The following EWSR1 variants were observed in gnomAD, a reference collection of about 807,000 sequenced individuals.
EWSR1 encodes the protein RNA-binding protein EWS.
Under a neutral mutation model 92.1 loss-of-function variants are expected in EWSR1, and 14 were observed. The observed-to-expected ratio is 0.15, with a 90% confidence interval of 0.10 to 0.24. The LOEUF is 0.24. EWSR1 is among the 10% of genes least tolerant of loss of function. The pLI is 1.00. For synonymous variants in EWSR1, 303 were observed against 292.9 expected (o/e 1.03, Z -0.35); for missense variants, 637 against 870.9 (o/e 0.73, Z 3.38).
At chr22:29,276,406 C>T (rs1008444215) in intron 4 of EWSR1, 17 of 222,492 alleles carry the variant, frequency 7.6e-5, no homozygotes, top group African/African-American at 3.6e-4. Flanking sequence ...AAGGACATTA[C>T]TATCTCTGTG....
At chr22:29,271,257 T>G (rs906212881) in intron 1 of EWSR1, among the ~76,000 whole-genome samples, 4 of 152,202 alleles carry the variant, frequency 2.6e-5, no homozygotes, top group South Asian at 2.1e-4. Context: ...TTTTCAAAAA[T>G]AATTACTTTA....
At chr22:29,282,640 C>A in intron 6 of EWSR1, 83 bp downstream of exon 6, 1 of 1,204,842 alleles carries the variant, frequency 8.3e-7, no homozygotes, top group East Asian at 2.7e-5. Flanking sequence ...TTGACTTCTT[C>A]AGCTAAGGTA....
chr22:29,283,332 A>G (rs1299288736), intron 6 of EWSR1, among the ~76,000 whole-genome samples: 1 of 152,098 alleles, frequency 6.6e-6, no homozygotes, highest in East Asian at 1.9e-4. Context: ...AACTCTTTTT[A>G]TTTTATTTTT....
intron 9 of EWSR1, 125 bp from the exon 10 acceptor site, chr22:29,292,012 G>C: frequency 1.2e-6 from 1 of 856,980 alleles, no homozygotes; most frequent in East Asian, 2.4e-5. Flanking sequence ...AGCAGTGCGG[G>C]TCATTTTGAG....
chr22:29,300,494 TA>T lies in EWSR1; in HGVS notation c.*336del. On this transcript the variant is annotated 3_prime_UTR_variant, in exon 17 of 17. Transcript: ENST00000397938. ...GGTTGTGATGTTTTTTTTTTTTTTT[TA>T]AATAAAATTCCAAATGTTTATAAAG... is the stretch of plus-strand genomic sequence containing the variant. 1.3e-5 allele frequency: 3 copies of T among 236,238 alleles called. No individual in the cohort carries two copies. The highest frequency in any genetic ancestry group is 1.4e-4 in the East Asian group (2 of 14,382). The allele number at this position is 236,238 out of a possible 1,614,324, so 14.6% of individuals were successfully genotyped here. A position where few individuals can be genotyped will look rare whatever the true frequency, so the allele number is the denominator to read the frequency against.
In EWSR1 at chr22:29,268,298, G is replaced by A. The variant is rs1378175335; in HGVS notation, c.-39G>A. 1.2e-6 allele frequency: 2 copies of A among 1,610,432 alleles called. No homozygotes were observed. The highest frequency in any genetic ancestry group is 1.7e-5 in the Admixed American group (1 of 60,030). On this transcript the variant is annotated 5_prime_UTR_variant, in exon 1 of 17. Transcript: ENST00000397938. The stretch of plus-strand genomic sequence containing the variant: ...GCGGCGCCTAGAGGGAAAGCGAGAG[G>A]GAGACGGACGTTGAGAGAACGAGGA...
At chr22:29,296,116 A>T (rs1478493374) in intron 11 of EWSR1, 123 bp from the exon 12 acceptor site, 1 of 956,562 alleles carries the variant, frequency 1.0e-6, no homozygotes, top group Non-Finnish European at 1.5e-6. Context: ...AAAGCGGAGA[A>T]ACGGTGACAT....
chr22:29,268,585 C>T (rs1000233730), intron 1 of EWSR1, among the ~76,000 whole-genome samples: 2 of 151,770 alleles, frequency 1.3e-5, no homozygotes, highest in East Asian at 3.9e-4. Context: ...GCGGCGGGGG[C>T]GCGCGGGGCC....
chr22:29,290,645 A>G, intron 8 of EWSR1: 1 of 1,418,018 alleles, frequency 7.1e-7, no homozygotes, highest in Non-Finnish European at 9.2e-7. Flanking sequence ...ATAATACTCT[A>G]GAATTGTGTA....
At chr22:29,284,075 C>T (rs1234333179) in intron 6 of EWSR1, among the ~76,000 whole-genome samples, 1 of 151,352 alleles carries the variant, frequency 6.6e-6, no homozygotes, top group African/African-American at 2.5e-5. Context: ...CTCAGGTGAT[C>T]CGCCTGCCTC....
At position 29,282,570 on chromosome 22, in the gene EWSR1, T is replaced by A; in HGVS notation, c.581+13T>A. 1 of 1,497,250 alleles carries A rather than the reference T, an allele frequency of 6.7e-7. No homozygotes were observed. The highest frequency in any genetic ancestry group is 8.9e-7 in the Non-Finnish European group (1 of 1,127,708). 92.7% of individuals were successfully genotyped at this position (1,497,250 alleles called of 1,614,324 possible). The stretch of plus-strand genomic sequence containing the variant: ...ACCCTCCTACCAGGTCAGTCTACTT[T>A]TTGTGGCAAAACAAAAACAGTGACA... On this transcript the variant is annotated intron_variant, in intron 6 of 16. Coordinates refer to ENST00000397938, the MANE Select transcript of EWSR1 (RefSeq NM_005243.4).
intron 11 of EWSR1, 45 bp downstream of exon 11, chr22:29,292,651 CAG>C (rs1338183560): frequency 7.7e-7 from 1 of 1,291,916 alleles, no homozygotes; most frequent in Admixed American, 1.7e-5. Flanking sequence ...CTTTAAACCA[CAG>C]AGCATTTTAA....
chr22:29,299,141 GAT>G (rs2061131755), intron 14 of EWSR1, 91 bp from the exon 15 acceptor site: 1 of 1,606,976 alleles, frequency 6.2e-7, no homozygotes, highest in Middle Eastern at 1.7e-4. Flanking sequence ...AGATCCTCTT[GAT>G]AGTGAGTGTG....
intron 6 of EWSR1, among the ~76,000 whole-genome samples, chr22:29,285,930 T>C (rs1259774494): frequency 1.3e-5 from 2 of 152,140 alleles, no homozygotes; most frequent in African/African-American, 2.4e-5. Flanking sequence ...CTCCGCCTCC[T>C]GGGTTCATGC....
chr22:29,292,094 A>G (rs751114768), intron 9 of EWSR1, 43 bp from the exon 10 acceptor site: 35 of 1,579,402 alleles, frequency 2.2e-5, no homozygotes, highest in Non-Finnish European at 2.7e-5. Context: ...AGCTTGCAAG[A>G]CGTGCACTAA....
intron 5 of EWSR1, 45 bp from the exon 6 acceptor site, chr22:29,282,345 C>CA: frequency 1.3e-6 from 2 of 1,493,376 alleles, no homozygotes; most frequent in Middle Eastern, 2.4e-4. Flanking sequence ...ACCAACCACA[C>CA]AAAAAAAGTC....
At chr22:29,289,687 A>G (rs748064158) in intron 8 of EWSR1, 69 of 232,556 alleles carry the variant, frequency 3.0e-4, no homozygotes, top group Non-Finnish European at 4.2e-4. Flanking sequence ...GTGTGCCACT[A>G]TTCAAGGAAA....
intron 11 of EWSR1, 69 bp from the exon 12 acceptor site, chr22:29,296,170 T>A (rs2060844082): frequency 1.1e-5 from 16 of 1,506,296 alleles, no homozygotes; most frequent in Non-Finnish European, 1.3e-5. Flanking sequence ...TTTCCTGGAT[T>A]TTGCCTGGAC....
rs541858841 is a variant in EWSR1 at position 29,272,502 on chromosome 22, G to T, written c.102+71G>T. On this transcript the variant is annotated intron_variant, in intron 3 of 16. Transcript: ENST00000397938. Reference sequence around the variant, plus strand: ...CAGTATATTATCCAGTTATCTTTCAGTTATCCAGTAAAACAAATGAGTAAT... The same window carrying T: ...CAGTATATTATCCAGTTATCTTTCATTTATCCAGTAAAACAAATGAGTAAT... 2.7e-6 allele frequency: 4 copies of T among 1,459,650 alleles called. No individual in the cohort carries two copies. The South Asian group carries it at 4.6e-5, about 17-fold the overall frequency. The allele number at this position is 1,459,650 out of a possible 1,614,324, so 90.4% of individuals were successfully genotyped here.
Sources: allele counts gnomAD v4.1 joint callset (sites outside exome capture counted in the v4.1 genomes callset), GRCh38; gene constraint gnomAD v4.1.1; transcripts MANE v1.5; gene names NCBI Gene and HGNC (gene_info 2026-07-23, HGNC 2026-07-21).